BBS2: variants seen among roughly 807,000 people sequenced by gnomAD.
BBS2 encodes the protein Bardet-Biedl syndrome 2, also known as BBSome complex member BBS2.
In BBS2, 62 loss-of-function variants were observed where a neutral mutation model predicts 83.0. That is an observed-to-expected ratio of 0.75 (90% CI 0.61 to 0.92). The LOEUF is 0.92. BBS2 is among the 40% of genes least tolerant of loss of function. The pLI is 0.00. For missense variants in BBS2, 784 were observed against 901.0 expected, an observed-to-expected ratio of 0.87 and a Z score of 1.66; for synonymous variants, 303 against 326.1, an observed-to-expected ratio of 0.93 and a Z score of 0.76.
chr16:56,517,840 G>A (rs146164378), intron 1 of BBS2, among the ~76,000 whole-genome samples: 1 of 145,716 alleles, frequency 6.9e-6, no homozygotes, highest in Non-Finnish European at 1.5e-5. Flanking sequence ...TTTTTTTTGA[G>A]ACCGAGTCTC....
chr16:56,505,603 T>C (rs1364642715), intron 7 of BBS2, among the ~76,000 whole-genome samples: 2 of 152,224 alleles, frequency 1.3e-5, no homozygotes, highest in African/African-American at 2.4e-5. Context: ...TGAAGATGTA[T>C]TGGAAAAGAG....
intron 15 of BBS2, among the ~76,000 whole-genome samples, chr16:56,489,449 G>C (rs115599537): frequency 1.3e-5 from 2 of 152,158 alleles, no homozygotes; most frequent in Non-Finnish European, 2.9e-5. Context: ...ACAGAAATAT[G>C]ATATATGATA....
intron 5 of BBS2, among the ~76,000 whole-genome samples, chr16:56,507,717 C>T (rs1964460573): frequency 6.6e-6 from 1 of 152,120 alleles, no homozygotes; most frequent in African/African-American, 2.4e-5. Context: ...CCTGTAATCC[C>T]AACACTTTGG....
Position 56,519,901 on chromosome 16 carries a change from G to C in BBS2, c.-39C>G, listed in dbSNP as rs760993590. The C allele has an allele frequency of 1.3e-6, 2 of 1,555,488 alleles. No homozygotes were observed. The highest frequency in any genetic ancestry group is 1.8e-6 in the Non-Finnish European group (2 of 1,127,542). ...TAGGGGAGGAGGGCTGGAAGCTGGA[G>C]ACAAGCGCAGCGGAGCTGGCCTCAC... is the stretch of plus-strand genomic sequence containing the variant. On this transcript the variant is annotated 5_prime_UTR_variant, in exon 1 of 17. Coordinates refer to ENST00000245157, the MANE Select transcript of BBS2 (RefSeq NM_031885.5).
chr16:56,512,810 G>C (rs1396544871), intron 2 of BBS2, among the ~76,000 whole-genome samples: 1 of 152,138 alleles, frequency 6.6e-6, no homozygotes, highest in East Asian at 1.9e-4. Context: ...TACACAGAAG[G>C]TCTGTGCATT....
In BBS2 at chr16:56,496,985, G is replaced by A. The variant is rs1334283728; in HGVS notation, c.1892C>T (p.Ala631Val). ...TACTCACATGTCCCTCATCAGACGA[G>A]CATCCTCAGCTCCGACCAGCAAACT... is the stretch of plus-strand genomic sequence containing the variant. ...IRSLLVGAEDARLMRDMKTMK... is the reference protein window; with the variant it reads ...IRSLLVGAEDVRLMRDMKTMK... The change falls in exon 15 of 17, where the codon GCT (alanine) becomes GTT (valine). Residue 631 changes from alanine (A) to valine (V), a missense_variant. Physicochemically the swap from Ala to Val is moderately conservative, Grantham distance 64. Coordinates refer to ENST00000245157, the MANE Select transcript of BBS2 (RefSeq NM_031885.5). 1 of 1,613,524 alleles carries A rather than the reference G, an allele frequency of 6.2e-7. No homozygotes were observed. Among genetic ancestry groups the A allele is most frequent in the Non-Finnish European group, 8.5e-7 (1 of 1,179,590 alleles).
intron 15 of BBS2, among the ~76,000 whole-genome samples, chr16:56,492,569 G>A (rs75123677): frequency 0.039 from 5,954 of 152,222 alleles, 146 homozygotes; most frequent in East Asian, 0.13. Flanking sequence ...AAGATGTGCT[G>A]TACAACACTG....
chr16:56,481,608 T>G (rs1426743175), downstream of BBS2, among the ~76,000 whole-genome samples: 1 of 152,226 alleles, frequency 6.6e-6, no homozygotes, highest in Non-Finnish European at 1.5e-5. Flanking sequence ...AAAGCTTCAA[T>G]GTAATTCAGC....
At chr16:56,508,666 C>CA (rs1428239515) in intron 5 of BBS2, among the ~76,000 whole-genome samples, 1 of 22,434 alleles carries the variant, frequency 4.5e-5, no homozygotes, top group Non-Finnish European at 7.7e-5. Flanking sequence ...ATTTTTGAGA[C>CA]AGAGTCTTGT....
intron 12 of BBS2, 109 bp from the exon 13 acceptor site, chr16:56,498,677 CCTT>C: frequency 1.6e-5 from 26 of 1,582,224 alleles, no homozygotes; most frequent in Non-Finnish European, 2.2e-5. Flanking sequence ...GAAGAGTTCT[CCTT>C]CTTTCTAGTT....
At chr16:56,501,252 G>A (rs1964262554) in intron 10 of BBS2, 101 bp downstream of exon 10, 12 of 1,507,920 alleles carry the variant, frequency 8.0e-6, no homozygotes, top group Non-Finnish European at 1.0e-5. Flanking sequence ...AGAGCTTGCA[G>A]TGAGCCAAGA....
At chr16:56,472,829 C>G (rs1203730663) in intron 17 of BBS2, among the ~76,000 whole-genome samples, 2 of 152,170 alleles carry the variant, frequency 1.3e-5, no homozygotes, top group Non-Finnish European at 2.9e-5. Context: ...TCATAAACCT[C>G]TTTCTGATCC....
chr16:56,486,305 C>T (rs1329512005), intron 15 of BBS2, among the ~76,000 whole-genome samples: 1 of 152,122 alleles, frequency 6.6e-6, no homozygotes, highest in Non-Finnish European at 1.5e-5. Flanking sequence ...TTGGCAGTTT[C>T]TTATAAAGTT....
In BBS2 at chr16:56,510,957, G is replaced by A. The variant is rs377552597; in HGVS notation, c.472-36C>T. 142 of 1,609,006 alleles carry A rather than the reference G, an allele frequency of 8.8e-5. No homozygotes were observed. In the African/African-American group the frequency reaches 1.4e-3, roughly 16 times the overall value. On this transcript the variant is annotated intron_variant, in intron 3 of 16. Transcript: ENST00000245157. ...AACCCCAAACCATTAGCATGCCATC[G>A]TTTCTCCATTTACTCCAAATATATT... is the stretch of plus-strand genomic sequence containing the variant.
At chr16:56,472,629 T>G (rs1297305323) in intron 17 of BBS2, among the ~76,000 whole-genome samples, 1 of 152,182 alleles carries the variant, frequency 6.6e-6, no homozygotes, top group Admixed American at 6.5e-5. Context: ...TTTCAGAATG[T>G]TTAGAAAACA....
At chr16:56,478,929 T>C (rs1010091287) in intron 17 of BBS2, 8 of 152,220 alleles carry the variant, frequency 5.3e-5, no homozygotes, top group Non-Finnish European at 1.0e-4. Context: ...GCACTGAAGA[T>C]AGATACACAG....
chr16:56,502,112 TAAAC>T (rs1964292634), intron 9 of BBS2: 3 of 725,312 alleles, frequency 4.1e-6, no homozygotes, highest in Admixed American at 2.1e-5. Flanking sequence ...GAAATGTCCT[TAAAC>T]AATCAGGAAA....
intron 15 of BBS2, among the ~76,000 whole-genome samples, chr16:56,490,677 CATTTTCTTAATGTAGTCAA>C (rs1409489188): frequency 6.6e-6 from 1 of 151,938 alleles, no homozygotes; most frequent in East Asian, 1.9e-4. Context: ...AAATGACTTA[CATTTTCTTAATGTAGTCAA>C]ATTTTCTTAT....
downstream of BBS2, among the ~76,000 whole-genome samples, chr16:56,482,422 G>A (rs544336434): frequency 6.6e-6 from 1 of 152,246 alleles, no homozygotes; most frequent in Non-Finnish European, 1.5e-5. Context: ...CTAGAGTGCA[G>A]TGGCATGATC....
Sources: gnomAD v4.1 joint callset for allele counts (sites outside exome capture counted in the v4.1 genomes callset) on GRCh38, gnomAD v4.1.1 for gene constraint, MANE v1.5 for transcripts, NCBI Gene and HGNC (gene_info 2026-07-23, HGNC 2026-07-21) for gene names.